ROBO1: variants seen among roughly 807,000 people sequenced by gnomAD.
ROBO1 encodes the protein roundabout homolog 1.
Under a neutral mutation model 195.9 loss-of-function variants are expected in ROBO1, and 149 were observed. That is an observed-to-expected ratio of 0.76 (90% confidence interval 0.67 to 0.87). ROBO1 has a LOEUF of 0.87. Among genes scored for constraint, ROBO1 ranks in the 40% least tolerant of loss-of-function variants. The pLI is 0.00. For synonymous variants in ROBO1, 816 were observed against 733.2 expected (o/e 1.11, Z -1.82); for missense variants, 1,933 against 2,068.3 (o/e 0.93, Z 1.27).
rs71127372 is a variant in ROBO1, at chr3:79,021,651, A to ATT, written c.173-82726_173-82725dup. Among the ~76,000 whole-genome samples, 85 of 76,886 alleles carry ATT rather than the reference A, an allele frequency of 1.1e-3. 1 individual carries two copies. The highest frequency in any genetic ancestry group is 4.5e-3 in the African/African-American group (82 of 18,208). The allele number at this position is 76,886 out of a possible 152,430, so 50.4% of individuals were successfully genotyped here. The stretch of plus-strand genomic sequence containing the variant: ...CCCCTCTCTTCCACTCCTAGAGATG[A>ATT]TTTTTTTTTTTTTTTTTTTTTTTTT... On this transcript the variant is annotated intron_variant, in intron 3 of 30. Transcript: ENST00000464233.
intron 5 of ROBO1, among the ~76,000 whole-genome samples, chr3:78,728,271 G>GATT (rs928618203): frequency 4.6e-5 from 7 of 152,074 alleles, no homozygotes; most frequent in Admixed American, 3.9e-4. Flanking sequence ...CGAGTCTCTT[G>GATT]ATTAGATATG....
At chr3:79,674,809 G>T (rs1245448459) in intron 1 of ROBO1, among the ~76,000 whole-genome samples, 1 of 149,162 alleles carries the variant, frequency 6.7e-6, no homozygotes, top group East Asian at 2.0e-4. Flanking sequence ...TCTGGTAATA[G>T]ATCAATCTAT....
chr3:78,703,307 A>G (rs2081465442), intron 8 of ROBO1, among the ~76,000 whole-genome samples: 1 of 152,132 alleles, frequency 6.6e-6, no homozygotes, highest in Non-Finnish European at 1.5e-5. Flanking sequence ...TCAGCATCTT[A>G]TTTACGCCAC....
At chr3:78,742,780 G>GT (rs1329841327) in intron 5 of ROBO1, among the ~76,000 whole-genome samples, 2 of 152,098 alleles carry the variant, frequency 1.3e-5, no homozygotes, top group East Asian at 3.9e-4. Flanking sequence ...ATAGTCATAG[G>GT]TTTTTACAAC....
intron 2 of ROBO1, among the ~76,000 whole-genome samples, chr3:79,428,543 G>T (rs1414353488): frequency 1.3e-5 from 2 of 152,060 alleles, no homozygotes; most frequent in African/African-American, 4.8e-5. Flanking sequence ...AATGCAAAAT[G>T]CTAAAGCCAG....
At chr3:79,494,645 G>A (rs1939633983) in intron 2 of ROBO1, among the ~76,000 whole-genome samples, 1 of 151,990 alleles carries the variant, frequency 6.6e-6, no homozygotes, top group Non-Finnish European at 1.5e-5. Context: ...AAAGGCAATT[G>A]CACAAAACAC....
intron 2 of ROBO1, among the ~76,000 whole-genome samples, chr3:79,257,962 T>C (rs2082869087): frequency 6.6e-6 from 1 of 152,084 alleles, no homozygotes; most frequent in African/African-American, 2.4e-5. Context: ...TGGTTAGTAA[T>C]AAAGCTATAA....
intron 4 of ROBO1, among the ~76,000 whole-genome samples, chr3:78,933,468 A>G (rs929366618): frequency 2.6e-5 from 4 of 152,134 alleles, no homozygotes; most frequent in African/African-American, 9.6e-5. Context: ...ATTTACTTCA[A>G]GAGATAATGT....
intron 2 of ROBO1, among the ~76,000 whole-genome samples, chr3:79,446,639 A>C (rs1017330121): frequency 6.6e-6 from 1 of 152,192 alleles, no homozygotes; most frequent in Non-Finnish European, 1.5e-5. Flanking sequence ...GTGCATGCTA[A>C]TGATATTATT....
Position 78,670,061 on chromosome 3 carries a change from C to T in ROBO1, c.1548+35G>A, listed in dbSNP as rs574443319. On this transcript the variant is annotated intron_variant, in intron 11 of 30. Coordinates refer to ENST00000464233, the MANE Select transcript of ROBO1 (RefSeq NM_002941.4). ...TGTTGGAGGCAGAAACAAAGTGAAA[C>T]AAAACAAGAAACGCAAGGTGCCATT... 31 of 1,527,416 alleles carry T rather than the reference C, an allele frequency of 2.0e-5. No individual in the cohort carries two copies. The East Asian group carries it at 7.0e-4, about 34-fold the overall frequency. The allele number at this position is 1,527,416 out of a possible 1,614,324, so 94.6% of individuals were successfully genotyped here.
At chr3:79,767,472 ACT>A (rs1343399154) in intron 1 of ROBO1, among the ~76,000 whole-genome samples, 2 of 152,288 alleles carry the variant, frequency 1.3e-5, no homozygotes, top group East Asian at 1.9e-4. Context: ...TGGAACGGAC[ACT>A]CTGCACAACT....
intron 2 of ROBO1, among the ~76,000 whole-genome samples, chr3:79,432,656 A>G (rs1047233435): frequency 5.3e-5 from 8 of 152,122 alleles, no homozygotes; most frequent in Admixed American, 1.3e-4. Context: ...AGAGAGAGAT[A>G]GAGAGCAAGA....
At chr3:79,564,354 C>G (rs1417685260) in intron 2 of ROBO1, among the ~76,000 whole-genome samples, 1 of 151,998 alleles carries the variant, frequency 6.6e-6, no homozygotes, top group East Asian at 1.9e-4. Flanking sequence ...CTGCATGATA[C>G]TGTACCTATT....
intron 4 of ROBO1, among the ~76,000 whole-genome samples, chr3:78,917,487 T>C (rs1033080933): frequency 6.6e-6 from 1 of 152,216 alleles, no homozygotes; most frequent in Non-Finnish European, 1.5e-5. Flanking sequence ...TTAGGCTATT[T>C]TGACTGTGAG....
intron 1 of ROBO1, among the ~76,000 whole-genome samples, chr3:79,627,186 T>C (rs1166022034): frequency 6.6e-6 from 1 of 152,162 alleles, no homozygotes; most frequent in Non-Finnish European, 1.5e-5. Context: ...AGACCCTGTA[T>C]TGCCAAGACA....
chr3:78,963,341 C>A (rs949861845), intron 3 of ROBO1, among the ~76,000 whole-genome samples: 17 of 151,734 alleles, frequency 1.1e-4, no homozygotes, highest in Non-Finnish European at 2.2e-4. Context: ...GGCAGACTCT[C>A]TTCACAAAGA....
At chr3:79,079,946 GT>G (rs1307197464) in intron 3 of ROBO1, among the ~76,000 whole-genome samples, 1 of 151,432 alleles carries the variant, frequency 6.6e-6, no homozygotes, top group South Asian at 2.1e-4. Flanking sequence ...AGTGTCAAAT[GT>G]TTTTTATTAA....
At chr3:78,967,907 T>C (rs906861411) in intron 3 of ROBO1, among the ~76,000 whole-genome samples, 1 of 152,192 alleles carries the variant, frequency 6.6e-6, no homozygotes, top group African/African-American at 2.4e-5. Context: ...AAGGTCATAA[T>C]TCTCCTGAGG....
At chr3:79,488,297 C>G (rs1006894502) in intron 2 of ROBO1, among the ~76,000 whole-genome samples, 2 of 152,074 alleles carry the variant, frequency 1.3e-5, no homozygotes, top group African/African-American at 4.8e-5. Flanking sequence ...GTTTGCCCAA[C>G]AAATGGAGGG....
Sources: gnomAD v4.1 joint callset for allele counts (sites outside exome capture counted in the v4.1 genomes callset) on GRCh38, gnomAD v4.1.1 for gene constraint, MANE v1.5 for transcripts, NCBI Gene and HGNC (gene_info 2026-07-23, HGNC 2026-07-21) for gene names.